Variants in PIK3R1 observed in about 807,000 individuals in gnomAD.
The protein encoded by PIK3R1 is phosphoinositide-3-kinase regulatory subunit 1, also known as phosphatidylinositol 3-kinase regulatory subunit alpha.
PIK3R1 carries 29 observed loss-of-function variants against 98.0 expected under a neutral mutation model. The ratio of observed to expected loss-of-function variants is 0.30; its 90% confidence interval spans 0.22 to 0.40. The LOEUF (loss-of-function observed/expected upper bound fraction) is 0.40, where lower values mean the gene tolerates loss of function less well. PIK3R1 is among the 10% of genes least tolerant of loss of function. PIK3R1 has a pLI of 1.00. For synonymous variants in PIK3R1, 282 were observed against 311.8 expected, an observed-to-expected ratio of 0.90 and a Z score of 1.01; for missense variants, 596 against 872.7, an observed-to-expected ratio of 0.68 and a Z score of 3.99.
chr5:68,265,591 C>A (rs962839277), intron 2 of PIK3R1, among the ~76,000 whole-genome samples: 8 of 152,094 alleles, frequency 5.3e-5, no homozygotes, highest in African/African-American at 1.7e-4. Context: ...ATCGTGAGAG[C>A]ACTTGCCCTC....
In PIK3R1 at chr5:68,299,166, AG is replaced by A. The variant is rs1747898876; in HGVS notation, c.*1568del. ...ACCTTTGTTTAGAACACTGGTTTAA[AG>A]GGATAATCATCTCTGTCACATTAGA... On this transcript the variant is annotated 3_prime_UTR_variant, in exon 16 of 16. Coordinates refer to ENST00000521381, the MANE Select transcript of PIK3R1 (RefSeq NM_181523.3). 1 of 233,614 alleles carries A rather than the reference AG, an allele frequency of 4.3e-6. No individual in the cohort carries two copies. 14.5% of individuals were successfully genotyped at this position (233,614 alleles called of 1,614,324 possible).
rs189787454 is a variant in PIK3R1 at position 68,265,560 on chromosome 5, T to G, written c.335-7830T>G. Reference sequence around the variant, plus strand: ...GGGGAGAAAGGTCTCTGGTGCTGCTTCTTATAAAGGCACTAATCCCATCGT... The same window carrying G: ...GGGGAGAAAGGTCTCTGGTGCTGCTGCTTATAAAGGCACTAATCCCATCGT... On this transcript the variant is annotated intron_variant, in intron 2 of 15. Coordinates refer to ENST00000521381, the MANE Select transcript of PIK3R1 (RefSeq NM_181523.3). Among the ~76,000 whole-genome samples the G allele has an allele frequency of 9.2e-5, 14 of 152,262 alleles. No individual in the cohort carries two copies. The East Asian group carries it at 2.3e-3, about 25-fold the overall frequency.
intron 2 of PIK3R1, among the ~76,000 whole-genome samples, chr5:68,231,596 A>G (rs748208402): frequency 8.5e-5 from 13 of 152,236 alleles, no homozygotes; most frequent in Non-Finnish European, 1.8e-4. Context: ...TACACTGTAC[A>G]GAGGTCACAG....
At chr5:68,270,020 A>ATT (rs1746280465) in intron 2 of PIK3R1, among the ~76,000 whole-genome samples, 2 of 152,168 alleles carry the variant, frequency 1.3e-5, no homozygotes, top group South Asian at 4.1e-4. Flanking sequence ...CACTCAATAC[A>ATT]TTACAAAAAG....
intron 2 of PIK3R1, among the ~76,000 whole-genome samples, chr5:68,262,617 A>G (rs1404955103): frequency 1.4e-5 from 2 of 144,118 alleles, no homozygotes; most frequent in Non-Finnish European, 3.0e-5. Flanking sequence ...ATGTATACAC[A>G]TGTAGATGCA....
chr5:68,255,473 A>G (rs1745473670), intron 2 of PIK3R1, among the ~76,000 whole-genome samples: 1 of 152,182 alleles, frequency 6.6e-6, no homozygotes, highest in South Asian at 2.1e-4. Context: ...CTGCTTCTTC[A>G]TGACCTTCAT....
intron 2 of PIK3R1, among the ~76,000 whole-genome samples, chr5:68,255,597 T>C (rs1745477846): frequency 6.6e-6 from 1 of 152,240 alleles, no homozygotes; most frequent in South Asian, 2.1e-4. Context: ...TTTGCTTTTC[T>C]GAGCTCTAGC....
intron 7 of PIK3R1, chr5:68,288,829 G>A (rs1247255578): frequency 7.0e-7 from 1 of 1,437,702 alleles, no homozygotes; most frequent in African/African-American, 1.4e-5. Flanking sequence ...TGGAGTACGT[G>A]TGTGTGCGTG....
At chr5:68,270,829 T>C (rs968655675) in intron 2 of PIK3R1, among the ~76,000 whole-genome samples, 1 of 152,206 alleles carries the variant, frequency 6.6e-6, no homozygotes, top group African/African-American at 2.4e-5. Context: ...GAGGATACTT[T>C]TGTGAGTTGA....
intron 1 of PIK3R1, among the ~76,000 whole-genome samples, chr5:68,226,040 T>C (rs1217009475): frequency 1.3e-5 from 2 of 152,108 alleles, no homozygotes; most frequent in Non-Finnish European, 2.9e-5. Flanking sequence ...CTGAGCCACA[T>C]TATCAGCGAT....
At chr5:68,224,024 A>T (rs920925026) in intron 1 of PIK3R1, among the ~76,000 whole-genome samples, 2 of 152,202 alleles carry the variant, frequency 1.3e-5, no homozygotes, top group African/African-American at 4.8e-5. Context: ...TGGCATAAAG[A>T]TCTACCCAGC....
chr5:68,276,943 G>A (rs1746595031), intron 4 of PIK3R1, among the ~76,000 whole-genome samples: 1 of 152,158 alleles, frequency 6.6e-6, no homozygotes, highest in Non-Finnish European at 1.5e-5. Flanking sequence ...ACGTACCTCG[G>A]TCTAGTAGGG....
intron 2 of PIK3R1, among the ~76,000 whole-genome samples, chr5:68,251,159 G>A (rs1213708559): frequency 6.6e-6 from 1 of 152,142 alleles, no homozygotes; most frequent in Non-Finnish European, 1.5e-5. Flanking sequence ...GATTCTTCAA[G>A]GTGGAGGATA....
rs1261400155 is a variant in PIK3R1, at chr5:68,300,974, T to A, written c.*3373T>A. Reference sequence around the variant, plus strand: ...TGAGCTGTCACTGTGGGGAACCAATTGCTTTGTCATATAGCTGGTTATGAA... The same window carrying A: ...TGAGCTGTCACTGTGGGGAACCAATAGCTTTGTCATATAGCTGGTTATGAA... On this transcript the variant is annotated 3_prime_UTR_variant, in exon 16 of 16. Coordinates refer to ENST00000521381, the MANE Select transcript of PIK3R1 (RefSeq NM_181523.3). The A allele has an allele frequency of 4.3e-6, 1 of 233,214 alleles. No homozygotes were observed. Among genetic ancestry groups the A allele is most frequent in the Non-Finnish European group, 8.5e-6 (1 of 117,892 alleles). The allele number at this position is 233,214 out of a possible 1,614,324, so 14.4% of individuals were successfully genotyped here. A position where few individuals can be genotyped will look rare whatever the true frequency, so the allele number is the denominator to read the frequency against.
intron 7 of PIK3R1, chr5:68,290,846 G>C (rs1747347976): frequency 6.4e-7 from 1 of 1,566,752 alleles, no homozygotes; most frequent in East Asian, 2.2e-5. Flanking sequence ...TAATACTGCA[G>C]TATTATTGTA....
At chr5:68,232,626 A>G (rs527904484) in intron 2 of PIK3R1, among the ~76,000 whole-genome samples, 241 of 152,330 alleles carry the variant, frequency 1.6e-3, no homozygotes, top group African/African-American at 5.6e-3. Flanking sequence ...ATTTGAGGAG[A>G]AGAAGCTTTC....
chr5:68,231,793 T>G (rs1744487566), intron 2 of PIK3R1, among the ~76,000 whole-genome samples: 1 of 152,246 alleles, frequency 6.6e-6, no homozygotes, highest in Non-Finnish European at 1.5e-5. Context: ...TCCTTCCTAC[T>G]TAAGTCTTTG....
At chr5:68,294,316 TAAGAAGATA>T (rs1747566956) in intron 11 of PIK3R1, among the ~76,000 whole-genome samples, 1 of 152,232 alleles carries the variant, frequency 6.6e-6, no homozygotes, top group African/African-American at 2.4e-5. Context: ...CAATAGCTTT[TAAGAAGATA>T]AAAACTATAG....
intron 2 of PIK3R1, among the ~76,000 whole-genome samples, chr5:68,269,284 G>A (rs1386601931): frequency 6.6e-6 from 1 of 152,152 alleles, no homozygotes; most frequent in African/African-American, 2.4e-5. Context: ...TCTTAAGAGT[G>A]GAGTTGGTTC....
Sources: allele counts gnomAD v4.1 joint callset (sites outside exome capture counted in the v4.1 genomes callset), GRCh38; gene constraint gnomAD v4.1.1; transcripts MANE v1.5; gene names NCBI Gene and HGNC (gene_info 2026-07-23, HGNC 2026-07-21).